ADCY1: variants seen among roughly 807,000 people sequenced by gnomAD.
ADCY1 encodes the protein adenylate cyclase 1.
Under a neutral mutation model 105.4 loss-of-function variants are expected in ADCY1, and 28 were observed. The observed-to-expected ratio is 0.27, with a 90% confidence interval of 0.20 to 0.36. The LOEUF is 0.36. ADCY1 is among the 10% of genes least tolerant of loss of function. The pLI, the probability that ADCY1 is intolerant of heterozygous loss-of-function variation, is 1.00. For synonymous variants in ADCY1, 655 were observed against 623.8 expected (o/e 1.05, Z -0.75); for missense variants, 977 against 1,434.2 (o/e 0.68, Z 5.15).
chr7:45,635,429 G>A (rs1340186684), intron 4 of ADCY1, among the ~76,000 whole-genome samples: 1 of 151,016 alleles, frequency 6.6e-6, no homozygotes, highest in African/African-American at 2.4e-5. Context: ...TCTTCTTTTT[G>A]TAGTTTCTTA....
chr7:45,615,719 A>G (rs975723311), intron 3 of ADCY1, among the ~76,000 whole-genome samples: 10 of 152,248 alleles, frequency 6.6e-5, no homozygotes, highest in African/African-American at 2.2e-4. Flanking sequence ...AGGGAAGTTC[A>G]TAGCAATAAG....
At chr7:45,670,892 T>G (rs1026408100) in intron 8 of ADCY1, among the ~76,000 whole-genome samples, 1 of 152,234 alleles carries the variant, frequency 6.6e-6, no homozygotes, top group African/African-American at 2.4e-5. Flanking sequence ...CCATCAACCC[T>G]TCACGTGAAC....
intron 4 of ADCY1, among the ~76,000 whole-genome samples, chr7:45,635,490 A>C (rs1794375640): frequency 6.6e-6 from 1 of 151,578 alleles, no homozygotes; most frequent in African/African-American, 2.4e-5. Flanking sequence ...TTTTAATATA[A>C]GAATTTATTG....
intron 1 of ADCY1, among the ~76,000 whole-genome samples, chr7:45,587,982 A>G (rs576536526): frequency 2.0e-4 from 30 of 152,292 alleles, no homozygotes; most frequent in Non-Finnish European, 3.5e-4. Flanking sequence ...GCCCATACTG[A>G]AGGAGTGGGG....
chr7:45,676,048 GT>G (rs78665932), intron 8 of ADCY1, among the ~76,000 whole-genome samples: 20 of 143,138 alleles, frequency 1.4e-4, no homozygotes, highest in South Asian at 2.2e-4. Context: ...GCTCTGTTTT[GT>G]TTTTTTTTTT....
At chr7:45,700,528 C>T (rs147651716) in intron 14 of ADCY1, among the ~76,000 whole-genome samples, 108 of 152,260 alleles carry the variant, frequency 7.1e-4, no homozygotes, top group African/African-American at 2.4e-3. Flanking sequence ...CTGGGATGCC[C>T]GCAAAGAGGG....
chr7:45,706,962 C>T (rs1435440877), intron 17 of ADCY1, among the ~76,000 whole-genome samples: 1 of 152,156 alleles, frequency 6.6e-6, no homozygotes, highest in Non-Finnish European at 1.5e-5. Context: ...GGATGCTCAG[C>T]ATTGTATGTT....
chr7:45,574,942 C>G lies in ADCY1; in HGVS notation c.399C>G (p.Phe133Leu). 1.2e-6 allele frequency: 2 copies of G among 1,612,054 alleles called. No individual in the cohort carries two copies. Among genetic ancestry groups the G allele is most frequent in the Non-Finnish European group, 1.7e-6 (2 of 1,179,770 alleles). ...GQLALLFSLT[F>L]ALLCCPFALG... ...TGGCGCTGCTCTTCAGCCTCACCTT[C>G]GCGCTGCTCTGCTGTCCTTTCGCGC... Residue 133 changes from phenylalanine (F) to leucine (L), a missense_variant, in exon 1 of 20, where the codon TTC becomes TTG. Phe to Leu is a conservative substitution (Grantham distance 22). Coordinates refer to ENST00000297323, the MANE Select transcript of ADCY1 (RefSeq NM_021116.4). This position sits in a 1 kb window ranked among gnomAD's most constrained non-coding sequence, Gnocchi z 7.0.
chr7:45,691,173 A>G (rs1407862975), intron 14 of ADCY1, among the ~76,000 whole-genome samples: 1 of 152,174 alleles, frequency 6.6e-6, no homozygotes, highest in Non-Finnish European at 1.5e-5. Context: ...TTCTCCATCC[A>G]GTGACACCCC....
At chr7:45,590,147 G>A (rs528437807) in intron 1 of ADCY1, among the ~76,000 whole-genome samples, 3 of 152,218 alleles carry the variant, frequency 2.0e-5, no homozygotes, top group South Asian at 4.2e-4. Flanking sequence ...TAGCCCACAC[G>A]GAACAGCTCT....
chr7:45,614,937 T>C (rs1185882058), intron 3 of ADCY1, among the ~76,000 whole-genome samples: 2 of 152,190 alleles, frequency 1.3e-5, no homozygotes, highest in Non-Finnish European at 2.9e-5. Context: ...AATAGGCGAC[T>C]TCAGTAGTCT....
chr7:45,605,360 T>C (rs1240187064), intron 2 of ADCY1, among the ~76,000 whole-genome samples: 1 of 152,192 alleles, frequency 6.6e-6, no homozygotes, highest in Non-Finnish European at 1.5e-5. Context: ...GACCTTCCCA[T>C]GAGATGATGA....
chr7:45,579,729 C>A (rs955787228), intron 1 of ADCY1, among the ~76,000 whole-genome samples: 1 of 152,150 alleles, frequency 6.6e-6, no homozygotes, highest in Non-Finnish European at 1.5e-5. Context: ...GGTGGCCTGG[C>A]GACCTGAAGG....
chr7:45,673,327 A>G (rs774842518), intron 8 of ADCY1, among the ~76,000 whole-genome samples: 32 of 152,084 alleles, frequency 2.1e-4, no homozygotes, highest in Non-Finnish European at 3.2e-4. Flanking sequence ...TTCCTCTTCT[A>G]TTTTCTGGAA....
At chr7:45,653,551 A>G (rs1368439486) in intron 5 of ADCY1, among the ~76,000 whole-genome samples, 2 of 152,204 alleles carry the variant, frequency 1.3e-5, no homozygotes, top group East Asian at 3.8e-4. Context: ...CCCTCTCTGT[A>G]TTCCATACCT....
Position 45,708,311 on chromosome 7 carries a change from C to T in ADCY1, c.2818-39C>T. The T allele has an allele frequency of 6.6e-7, 1 of 1,509,984 alleles. No individual in the cohort carries two copies. Among genetic ancestry groups the T allele is most frequent in the Non-Finnish European group, 9.2e-7 (1 of 1,087,700 alleles). 93.5% of individuals were successfully genotyped at this position (1,509,984 alleles called of 1,614,324 possible). On this transcript the variant is annotated intron_variant, in intron 17 of 19. Coordinates refer to ENST00000297323, the MANE Select transcript of ADCY1 (RefSeq NM_021116.4). This position sits in a 1 kb window ranked among gnomAD's most constrained non-coding sequence, Gnocchi z 4.7. ...TGGTCCCTGGCCCCCTCTTGCCTTG[C>T]ACTCCCCAGATGTAATGACCCCATC...
intron 4 of ADCY1, among the ~76,000 whole-genome samples, chr7:45,633,403 C>T (rs1387867875): frequency 6.6e-6 from 1 of 152,074 alleles, no homozygotes; most frequent in Non-Finnish European, 1.5e-5. Flanking sequence ...AGATGAACTG[C>T]GTAGCCTAGA....
chr7:45,641,946 A>AAAAAAAAAAAAT (rs1562702616), intron 4 of ADCY1, among the ~76,000 whole-genome samples: 2 of 143,400 alleles, frequency 1.4e-5, no homozygotes, highest in South Asian at 4.7e-4. Flanking sequence ...AAAAAAAAAA[A>AAAAAAAAAAAAT]TGTCTTTTCA....
chr7:45,679,893 G>T (rs1040858764), intron 11 of ADCY1, 100 bp downstream of exon 11: 13 of 1,418,732 alleles, frequency 9.2e-6, no homozygotes, highest in African/African-American at 1.4e-5. Context: ...CAGGTATGAG[G>T]GTGGCCTGTG....
Sources: gnomAD v4.1 joint callset for allele counts (sites outside exome capture counted in the v4.1 genomes callset) on GRCh38, gnomAD v4.1.1 for gene constraint, Gnocchi (gnomAD v3.1) non-coding constraint, MANE v1.5 for transcripts, NCBI Gene and HGNC (gene_info 2026-07-23, HGNC 2026-07-21) for gene names.